The following KIAA1671 variants were observed in gnomAD, a reference collection of about 807,000 sequenced individuals.
KIAA1671 encodes the protein KIAA1671, also known as uncharacterized protein KIAA1671.
Under a neutral mutation model 131.2 loss-of-function variants are expected in KIAA1671, and 52 were observed. The observed-to-expected ratio is 0.40, with a 90% CI of 0.32 to 0.50. The LOEUF is 0.50. Among genes scored for constraint, KIAA1671 ranks in the 20% least tolerant of loss-of-function variants. The probability of loss-of-function intolerance (pLI) is 0.73; values close to 1 mark genes in which losing one functional copy is unlikely to be tolerated. For missense variants in KIAA1671, 2,360 were observed against 2,364.2 expected (o/e 1.00, Z 0.04); for synonymous variants, 1,003 against 961.6 (o/e 1.04, Z -0.80).
chr22:25,168,010 G>C (rs1933702938), intron 6 of KIAA1671, among the ~76,000 whole-genome samples: 1 of 152,156 alleles, frequency 6.6e-6, no homozygotes. Context: ...GAGCCCTGAG[G>C]CCACACAGCA....
At chr22:25,163,779 C>T (rs1364412866) in intron 6 of KIAA1671, among the ~76,000 whole-genome samples, 1 of 152,058 alleles carries the variant, frequency 6.6e-6, no homozygotes, top group Non-Finnish European at 1.5e-5. Flanking sequence ...TATTGTATTT[C>T]ACCGTCTCCT....
In KIAA1671 at chr22:25,177,655, T is replaced by A. The variant is rs187360465; in HGVS notation, c.5074+133T>A. ...ACACAATTACATAGGAAACTGATTT[T>A]TTTTTTCATGTCTTAAACACACAGG... On this transcript the variant is annotated intron_variant, in intron 9 of 12. Transcript: ENST00000358431. 537 of 746,344 alleles carry A rather than the reference T, an allele frequency of 7.2e-4. 3 individuals are homozygous for A. In the African/African-American group the frequency reaches 8.2e-3, roughly 11 times the overall value. 46.2% of individuals were successfully genotyped at this position (746,344 alleles called of 1,614,324 possible).
At chr22:25,108,641 G>A (rs987909779) in intron 6 of KIAA1671, among the ~76,000 whole-genome samples, 3 of 152,170 alleles carry the variant, frequency 2.0e-5, no homozygotes, top group Admixed American at 2.0e-4. Flanking sequence ...CCTGCATGGT[G>A]GAGTAATACT....
At chr22:24,997,389 C>T (rs1924193885) in intron 1 of KIAA1671, among the ~76,000 whole-genome samples, 1 of 152,206 alleles carries the variant, frequency 6.6e-6, no homozygotes, top group Non-Finnish European at 1.5e-5. Flanking sequence ...TCTTTCCCAT[C>T]CCAGGATGGA....
In KIAA1671 at chr22:24,969,003, G is replaced by T. The variant is rs139292299; in HGVS notation, c.-208+16231G>T. ...CAGCCTTGACCTCCCAGGCTCAGGC[G>T]ATTCTCCCACGTCAACCTCCTGAGT... On this transcript the variant is annotated intron_variant, in intron 1 of 12. Transcript: ENST00000358431. Among the ~76,000 whole-genome samples the T allele has an allele frequency of 4.1e-3, 627 of 152,230 alleles. 3 individuals carry two copies. The highest frequency in any genetic ancestry group is 0.014 in the African/African-American group (577 of 41,520).
intron 9 of KIAA1671, among the ~76,000 whole-genome samples, chr22:25,178,208 GCATT>G (rs1287202993): frequency 6.6e-6 from 1 of 152,168 alleles, no homozygotes; most frequent in Admixed American, 6.5e-5. Flanking sequence ...CCAGCACTGG[GCATT>G]CAAGGGAAAG....
At chr22:25,044,241 G>T (rs1364652151) in intron 5 of KIAA1671, among the ~76,000 whole-genome samples, 1 of 152,184 alleles carries the variant, frequency 6.6e-6, no homozygotes, top group African/African-American at 2.4e-5. Context: ...AGGGATTCCT[G>T]CCCCAAAGCA....
chr22:25,036,852 AG>A (rs980545838), intron 4 of KIAA1671, among the ~76,000 whole-genome samples: 1 of 152,128 alleles, frequency 6.6e-6, no homozygotes, highest in African/African-American at 2.4e-5. Context: ...TGAATCTGGG[AG>A]GCAGAGATTG....
intron 6 of KIAA1671, among the ~76,000 whole-genome samples, chr22:25,119,475 G>A (rs763303001): frequency 1.3e-5 from 2 of 152,210 alleles, no homozygotes; most frequent in Non-Finnish European, 2.9e-5. Flanking sequence ...TTGAGTACCT[G>A]TTTTGTACCA....
At chr22:25,044,188 C>G (rs1927099662) in intron 5 of KIAA1671, among the ~76,000 whole-genome samples, 1 of 152,188 alleles carries the variant, frequency 6.6e-6, no homozygotes, top group Non-Finnish European at 1.5e-5. Context: ...TGTAAAGCAG[C>G]CTCTTGGCCT....
intron 9 of KIAA1671, among the ~76,000 whole-genome samples, chr22:25,178,582 G>C (rs1934129473): frequency 6.6e-6 from 1 of 152,366 alleles, no homozygotes; most frequent in East Asian, 1.9e-4. Flanking sequence ...ACTTCTGAGT[G>C]GGGGACTGTC....
At chr22:24,958,447 C>T (rs571826605) in intron 1 of KIAA1671, among the ~76,000 whole-genome samples, 4 of 151,720 alleles carry the variant, frequency 2.6e-5, no homozygotes, top group African/African-American at 4.8e-5. Flanking sequence ...GTCAGGAGTT[C>T]GAGAGCAGCC....
At chr22:25,082,587 C>T (rs1418939306) in intron 6 of KIAA1671, among the ~76,000 whole-genome samples, 1 of 152,166 alleles carries the variant, frequency 6.6e-6, no homozygotes, top group Admixed American at 6.5e-5. Context: ...AATCTCAGAA[C>T]CTTGGGAGGC....
At position 24,958,511 on chromosome 22, in the gene KIAA1671, G is replaced by A. The variant is rs559610316; in HGVS notation, c.-208+5739G>A. On this transcript the variant is annotated intron_variant, in intron 1 of 12. Transcript: ENST00000358431. ...CTAAAAATACAAAAATCAGCCAGGC[G>A]TGGTGGTGGGGCACCTGTAATCCCA... Among the ~76,000 whole-genome samples, 32 of 151,778 alleles carry A rather than the reference G, an allele frequency of 2.1e-4. 1 individual carries two copies. Among genetic ancestry groups the A allele is most frequent in the Admixed American group, 3.3e-4 (5 of 15,222 alleles).
chr22:25,033,976 C>T (rs1926446421), intron 4 of KIAA1671, among the ~76,000 whole-genome samples: 2 of 151,872 alleles, frequency 1.3e-5, no homozygotes, highest in Admixed American at 6.6e-5. Context: ...GTGTGTACAA[C>T]CTGTGAAACC....
chr22:25,109,890 G>C (rs1484678128), intron 6 of KIAA1671: 2 of 152,192 alleles, frequency 1.3e-5, no homozygotes, highest in African/African-American at 4.8e-5. Context: ...GGCTGAGGCA[G>C]GTGGATCGCT....
intron 9 of KIAA1671, among the ~76,000 whole-genome samples, chr22:25,180,478 C>T (rs1934228385): frequency 6.6e-6 from 1 of 151,894 alleles, no homozygotes. Flanking sequence ...GCGGAGGTTG[C>T]AGGGAGCCGA....
At chr22:25,148,205 C>A (rs1932925995) in intron 6 of KIAA1671, among the ~76,000 whole-genome samples, 1 of 151,300 alleles carries the variant, frequency 6.6e-6, no homozygotes, top group Admixed American at 6.6e-5. Flanking sequence ...GTCCCAGCAC[C>A]CCCCTCAGTC....
At chr22:25,032,249 T>G (rs1432158165) in intron 3 of KIAA1671, among the ~76,000 whole-genome samples, 1 of 152,238 alleles carries the variant, frequency 6.6e-6, no homozygotes, top group South Asian at 2.1e-4. Context: ...ACGTAGCTAT[T>G]AGGGCCTTGA....
Sources: allele counts gnomAD v4.1 joint callset (sites outside exome capture counted in the v4.1 genomes callset), GRCh38; gene constraint gnomAD v4.1.1; transcripts MANE v1.5; gene names NCBI Gene and HGNC (gene_info 2026-07-23, HGNC 2026-07-21).